Variants in AOAH observed in about 807,000 individuals in gnomAD.
AOAH encodes acyloxyacyl hydrolase, also known as acyloxyacyl hydrolase (neutrophil).
A neutral mutation model predicts 92.2 loss-of-function variants in AOAH; 64 were observed. That is an observed-to-expected ratio of 0.69 (90% CI 0.57 to 0.86). The LOEUF (loss-of-function observed/expected upper bound fraction) is 0.86, where lower values mean the gene tolerates loss of function less well. Ranked by LOEUF, AOAH falls within the 40% of genes least tolerant of loss-of-function variation. The probability of loss-of-function intolerance (pLI) is 0.00; values close to 1 mark genes in which losing one functional copy is unlikely to be tolerated. For missense variants in AOAH, 656 were observed against 694.6 expected, an observed-to-expected ratio of 0.94 and a Z score of 0.62; for synonymous variants, 263 against 254.5, an observed-to-expected ratio of 1.03 and a Z score of -0.32.
At chr7:36,637,500 G>A (rs544154188) in intron 5 of AOAH, among the ~76,000 whole-genome samples, 2 of 152,226 alleles carry the variant, frequency 1.3e-5, no homozygotes, top group South Asian at 2.1e-4. Flanking sequence ...AATGCTGGGA[G>A]GCATTGTTGG....
rs372985773 is a variant in AOAH, at chr7:36,548,361, T to C, written c.1133+251A>G. 4.8e-4 allele frequency among the ~76,000 whole-genome samples: 73 copies of C among 152,268 alleles called. No homozygotes were observed. The South Asian group carries it at 0.015, about 31-fold the overall frequency. On this transcript the variant is annotated intron_variant, in intron 15 of 20. Coordinates refer to ENST00000617537, the MANE Select transcript of AOAH (RefSeq NM_001637.4). ...CCACCATGCCCAGCTAATTGTTGTA[T>C]TTTTAGTAGAGACGGGGTTTCACCA... is the stretch of plus-strand genomic sequence containing the variant.
At chr7:36,589,579 A>T (rs567825964) in intron 12 of AOAH, among the ~76,000 whole-genome samples, 29 of 152,224 alleles carry the variant, frequency 1.9e-4, no homozygotes, top group Non-Finnish European at 4.0e-4. Flanking sequence ...ATGTTGCCCA[A>T]TAACCATGCC....
rs1791672062 is a variant in AOAH at position 36,614,006 on chromosome 7, C to CAATT, written c.846+2370_846+2373dup. Among the ~76,000 whole-genome samples the CAATT allele has an allele frequency of 6.6e-6, 1 of 152,116 alleles. No homozygotes were observed. The highest frequency in any genetic ancestry group is 6.5e-5 in the Admixed American group (1 of 15,284). ...ACCAGAGACTGTTTGAGTTCATGTT[C>CAATT]AATTTATTTAATCTAGGAAGAGGAG... On this transcript the variant is annotated intron_variant, in intron 11 of 20. Coordinates refer to ENST00000617537, the MANE Select transcript of AOAH (RefSeq NM_001637.4). The surrounding 1 kb of genome is among the most constrained non-coding windows in gnomAD (Gnocchi z 4.2).
At chr7:36,668,676 G>A (rs754528060) in intron 3 of AOAH, among the ~76,000 whole-genome samples, 3 of 152,132 alleles carry the variant, frequency 2.0e-5, no homozygotes, top group Admixed American at 1.3e-4. Flanking sequence ...TAGTAGAGAC[G>A]GGGTTTCACT....
intron 2 of AOAH, among the ~76,000 whole-genome samples, chr7:36,675,258 A>T (rs559398395): frequency 1.3e-5 from 2 of 152,342 alleles, no homozygotes; most frequent in Non-Finnish European, 2.9e-5. Flanking sequence ...CTCCGTCTCA[A>T]ATAAATAAAT....
At chr7:36,540,586 G>GCACA (rs150931610) in intron 15 of AOAH, 95 bp from the exon 16 acceptor site, 7 of 1,022,876 alleles carry the variant, frequency 6.8e-6, no homozygotes, top group East Asian at 2.5e-5. Flanking sequence ...ACACACATAC[G>GCACA]CACACACACA....
intron 3 of AOAH, among the ~76,000 whole-genome samples, chr7:36,659,981 A>G (rs1313851046): frequency 5.9e-5 from 9 of 152,104 alleles, no homozygotes; most frequent in Non-Finnish European, 1.2e-4. Context: ...TCCCTGCCCT[A>G]TCTTAGTTGA....
At chr7:36,547,604 G>A (rs987277271) in intron 15 of AOAH, among the ~76,000 whole-genome samples, 1 of 152,036 alleles carries the variant, frequency 6.6e-6, no homozygotes, top group African/African-American at 2.4e-5. Context: ...TTACTTTCCT[G>A]TTTCCTAAAA....
chr7:36,552,962 T>C (rs1195417486), intron 13 of AOAH, among the ~76,000 whole-genome samples: 3 of 151,936 alleles, frequency 2.0e-5, no homozygotes, highest in Non-Finnish European at 4.4e-5. Context: ...TTTTCTTTTT[T>C]TTTTTCTTTT....
intron 20 of AOAH, among the ~76,000 whole-genome samples, chr7:36,515,295 C>T (rs1215137893): frequency 7.5e-6 from 1 of 133,214 alleles, no homozygotes; most frequent in Non-Finnish European, 1.6e-5. Flanking sequence ...ACACACACCA[C>T]ACACACACTA....
chr7:36,717,727 A>ATTTTTTT (rs10624883), intron 1 of AOAH, among the ~76,000 whole-genome samples: 2 of 122,772 alleles, frequency 1.6e-5, no homozygotes, highest in Non-Finnish European at 3.3e-5. Context: ...TTCTCTTCTT[A>ATTTTTTT]TTTTTTTTTT....
intron 1 of AOAH, among the ~76,000 whole-genome samples, chr7:36,687,536 C>G (rs1307602306): frequency 7.0e-6 from 1 of 141,944 alleles, no homozygotes; most frequent in Admixed American, 7.0e-5. Context: ...GAAAACCAAA[C>G]CTTTTTTTTT....
chr7:36,531,121 T>C (rs893005937), intron 18 of AOAH, among the ~76,000 whole-genome samples: 3 of 152,172 alleles, frequency 2.0e-5, no homozygotes, highest in Non-Finnish European at 4.4e-5. Flanking sequence ...TCTATGAACA[T>C]TGGAAAGCAT....
At chr7:36,680,603 A>C (rs1415911870) in intron 2 of AOAH, among the ~76,000 whole-genome samples, 1 of 152,194 alleles carries the variant, frequency 6.6e-6, no homozygotes, top group African/African-American at 2.4e-5. Flanking sequence ...GAGAACGTCT[A>C]TCTTTGCCAC....
intron 20 of AOAH, among the ~76,000 whole-genome samples, chr7:36,519,727 G>A (rs150679115): frequency 6.6e-6 from 1 of 152,328 alleles, no homozygotes; most frequent in African/African-American, 2.4e-5. Context: ...ACCACACCTG[G>A]CCTGAAAACA....
In AOAH at chr7:36,678,186, A is replaced by T. The variant is rs575011836; in HGVS notation, c.224-4177T>A. ...CCTTTTTAGGGGTGCTACTGTGGAG[A>T]GGGTCAAGAAGCTCTGATGTCACAG... On this transcript the variant is annotated intron_variant, in intron 2 of 20. Coordinates refer to ENST00000617537, the MANE Select transcript of AOAH (RefSeq NM_001637.4). 2.1e-4 allele frequency among the ~76,000 whole-genome samples: 32 copies of T among 152,230 alleles called. No homozygotes were observed. In the South Asian group the frequency reaches 6.2e-3, roughly 30 times the overall value.
At chr7:36,559,229 T>C (rs1787073735) in intron 13 of AOAH, among the ~76,000 whole-genome samples, 1 of 152,246 alleles carries the variant, frequency 6.6e-6, no homozygotes, top group East Asian at 1.9e-4. Flanking sequence ...ATATGCCCTT[T>C]TGGTAGAATA....
At chr7:36,562,781 T>A (rs946459018) in intron 13 of AOAH, among the ~76,000 whole-genome samples, 2 of 152,112 alleles carry the variant, frequency 1.3e-5, no homozygotes, top group Non-Finnish European at 2.9e-5. Flanking sequence ...AAGTCGGGGC[T>A]TTAGTGCTCC....
intron 12 of AOAH, among the ~76,000 whole-genome samples, chr7:36,579,378 C>A (rs113571578): frequency 6.6e-5 from 10 of 151,774 alleles, no homozygotes; most frequent in South Asian, 4.2e-4. Context: ...CCCCGCCCCC[C>A]CCAAATTGTG....
Sources: gnomAD v4.1 joint callset for allele counts (sites outside exome capture counted in the v4.1 genomes callset) on GRCh38, gnomAD v4.1.1 for gene constraint, Gnocchi (gnomAD v3.1) non-coding constraint, MANE v1.5 for transcripts, NCBI Gene and HGNC (gene_info 2026-07-23, HGNC 2026-07-21) for gene names.